PTPRD: variants seen among roughly 807,000 people sequenced by gnomAD.
PTPRD encodes protein tyrosine phosphatase receptor type D.
A neutral mutation model predicts 214.5 loss-of-function variants in PTPRD; 34 were observed. That is an observed-to-expected ratio of 0.16 (90% CI 0.12 to 0.21). PTPRD has a LOEUF of 0.21. Among genes scored for constraint, PTPRD ranks in the 10% least tolerant of loss-of-function variants. The pLI is 1.00. For synonymous variants in PTPRD, 1,128 were observed against 845.7 expected, an observed-to-expected ratio of 1.33 and a Z score of -5.79; for missense variants, 2,545 against 2,398.7, an observed-to-expected ratio of 1.06 and a Z score of -1.27.
rs2097565862 is a variant in PTPRD, at chr9:8,507,473, CAGG to C, written c.1544-42_1544-40del. ...GGCAATGGATTGAACTCACAATCAC[CAGG>C]AGTATTCACAAAGTTCTTCCATTAG... On this transcript the variant is annotated intron_variant, in intron 21 of 45. Transcript: ENST00000381196. 9.9e-6 allele frequency: 16 copies of C among 1,611,880 alleles called. No individual in the cohort carries two copies. In the Middle Eastern group the frequency reaches 2.6e-3, roughly 266 times the overall value.
rs150398388 is a variant in PTPRD at position 9,257,146 on chromosome 9, C to T, written c.-202-73783G>A. Among the ~76,000 whole-genome samples, 658 of 151,996 alleles carry T rather than the reference C, an allele frequency of 4.3e-3. 2 individuals carry two copies. Among genetic ancestry groups the T allele is most frequent in the African/African-American group, 0.015 (631 of 41,492 alleles). ...GCACCTAGAGATGATCTAGTAAAAT[C>T]TCCTCTTTTGTGGGGGGTAGAAAAC... On this transcript the variant is annotated intron_variant, in intron 9 of 45. Transcript: ENST00000381196.
chr9:9,796,557 G>C (rs1046705830), intron 5 of PTPRD, among the ~76,000 whole-genome samples: 3 of 152,114 alleles, frequency 2.0e-5, no homozygotes, highest in East Asian at 1.9e-4. Flanking sequence ...TTTTCAGTTG[G>C]AAGAAATGAA....
intron 3 of PTPRD, among the ~76,000 whole-genome samples, chr9:10,199,353 T>C (rs1032085057): frequency 1.3e-5 from 2 of 152,092 alleles, no homozygotes; most frequent in Non-Finnish European, 2.9e-5. Flanking sequence ...CTACGTATAA[T>C]GATAGGAGAA....
In PTPRD at chr9:8,774,547, TTTTTG is replaced by T. The variant is rs1307982042; in HGVS notation, c.-103-40606_-103-40602del. 1.4e-3 allele frequency among the ~76,000 whole-genome samples: 202 copies of T among 143,592 alleles called. 1 individual carries two copies. The highest frequency in any genetic ancestry group is 5.2e-3 in the African/African-American group (187 of 36,304). 94.2% of individuals were successfully genotyped at this position (143,592 alleles called of 152,430 possible). ...AGTAACTTTTTTTTTTTTTTTTTTT[TTTTTG>T]AAACGGAGTTTTGCTCTTGTTGCCC... On this transcript the variant is annotated intron_variant, in intron 11 of 45. Transcript: ENST00000381196.
intron 6 of PTPRD, among the ~76,000 whole-genome samples, chr9:9,762,036 G>A (rs1249808541): frequency 6.6e-6 from 1 of 152,062 alleles, no homozygotes; most frequent in Admixed American, 6.6e-5. Flanking sequence ...AAGTGTGGCA[G>A]CACCACCTCC....
chr9:10,195,658 C>T (rs143943769), intron 3 of PTPRD, among the ~76,000 whole-genome samples: 52 of 151,960 alleles, frequency 3.4e-4, no homozygotes, highest in African/African-American at 1.1e-3. Context: ...CTTACCTGCA[C>T]CAAAAATAAT....
At chr9:9,707,696 T>A (rs2154419695) in intron 7 of PTPRD, among the ~76,000 whole-genome samples, 1 of 152,180 alleles carries the variant, frequency 6.6e-6, no homozygotes, top group East Asian at 1.9e-4. Flanking sequence ...TTTTCTAAAA[T>A]GTATAAAATA....
chr9:10,201,577 T>C (rs1049570639), intron 3 of PTPRD, among the ~76,000 whole-genome samples: 6 of 152,032 alleles, frequency 3.9e-5, no homozygotes, highest in African/African-American at 9.7e-5. Flanking sequence ...AGTGTGCATA[T>C]ATATGTGTGT....
chr9:8,605,231 T>A (rs1186574833), intron 14 of PTPRD, among the ~76,000 whole-genome samples: 2 of 152,232 alleles, frequency 1.3e-5, no homozygotes, highest in African/African-American at 2.4e-5. Flanking sequence ...TGAGCAAATT[T>A]TGAAGTATAT....
chr9:9,443,144 T>C (rs1365654514), intron 8 of PTPRD, among the ~76,000 whole-genome samples: 1 of 152,178 alleles, frequency 6.6e-6, no homozygotes, highest in Non-Finnish European at 1.5e-5. Flanking sequence ...CCATTCTATG[T>C]TCTTAATATC....
intron 7 of PTPRD, among the ~76,000 whole-genome samples, chr9:9,592,126 A>G (rs2092794542): frequency 6.6e-6 from 1 of 152,006 alleles, no homozygotes; most frequent in Non-Finnish European, 1.5e-5. Context: ...TTATTTAGCC[A>G]TTGTCATAAC....
At chr9:10,013,643 A>G (rs960483523) in intron 4 of PTPRD, among the ~76,000 whole-genome samples, 1 of 151,708 alleles carries the variant, frequency 6.6e-6, no homozygotes, top group Non-Finnish European at 1.5e-5. Flanking sequence ...AGTGTAATAA[A>G]TTTTACAAAG....
intron 10 of PTPRD, among the ~76,000 whole-genome samples, chr9:9,164,850 T>TAAAACAAAACAAAAC (rs80164907): frequency 0.056 from 8,196 of 146,974 alleles, 294 homozygotes; most frequent in Admixed American, 0.089. Context: ...CTGTCTCTAC[T>TAAAACAAAACAAAAC]AAAACAAAAC....
chr9:9,184,648 G>T (rs566968086), intron 9 of PTPRD, among the ~76,000 whole-genome samples: 4 of 151,992 alleles, frequency 2.6e-5, no homozygotes, highest in African/African-American at 9.7e-5. Flanking sequence ...GTTTATTATA[G>T]CACTTAGCCT....
chr9:9,422,107 CTGTGTGAT>C (rs1248951684), intron 8 of PTPRD, among the ~76,000 whole-genome samples: 1 of 152,092 alleles, frequency 6.6e-6, no homozygotes, highest in East Asian at 1.9e-4. Context: ...TGAGTGTGTA[CTGTGTGAT>C]TGGTACTACA....
chr9:8,930,500 T>C (rs944781635), intron 11 of PTPRD, among the ~76,000 whole-genome samples: 2 of 152,150 alleles, frequency 1.3e-5, no homozygotes, highest in Admixed American at 6.5e-5. Flanking sequence ...CTGGGTCAAA[T>C]GGTATTTCTA....
At chr9:8,367,138 T>C (rs1375972429) in intron 39 of PTPRD, among the ~76,000 whole-genome samples, 1 of 152,206 alleles carries the variant, frequency 6.6e-6, no homozygotes, top group Non-Finnish European at 1.5e-5. Context: ...ATGAGCCTAG[T>C]TCTCTGTATG....
intron 3 of PTPRD, among the ~76,000 whole-genome samples, chr9:10,132,987 C>A (rs1165802479): frequency 6.6e-6 from 1 of 152,000 alleles, no homozygotes; most frequent in Non-Finnish European, 1.5e-5. Flanking sequence ...TTGGCATTGT[C>A]TCTCTTTCAT....
At chr9:8,781,582 C>G (rs533150429) in intron 11 of PTPRD, among the ~76,000 whole-genome samples, 1 of 152,212 alleles carries the variant, frequency 6.6e-6, no homozygotes, top group South Asian at 2.1e-4. Context: ...AAGAGTCAAA[C>G]TCTATCATTT....
Sources: allele counts gnomAD v4.1 joint callset (sites outside exome capture counted in the v4.1 genomes callset), GRCh38; gene constraint gnomAD v4.1.1; transcripts MANE v1.5; gene names NCBI Gene and HGNC (gene_info 2026-07-23, HGNC 2026-07-21).